Variants in FOXN3 observed in about 807,000 individuals in gnomAD.
The protein encoded by FOXN3 is forkhead box protein N3.
A neutral mutation model predicts 38.4 loss-of-function variants in FOXN3; 7 were observed. The observed-to-expected ratio is 0.18, with a 90% CI of 0.10 to 0.34. The LOEUF is 0.34. Ranked by LOEUF, FOXN3 falls within the 10% of genes least tolerant of loss-of-function variation. The pLI is 1.00. For synonymous variants in FOXN3, 230 were observed against 242.2 expected (o/e 0.95, Z 0.47); for missense variants, 456 against 613.4 (o/e 0.74, Z 2.71).
At chr14:89,390,780 G>A (rs914802330) in intron 2 of FOXN3, among the ~76,000 whole-genome samples, 1 of 152,174 alleles carries the variant, frequency 6.6e-6, no homozygotes, top group African/African-American at 2.4e-5. Context: ...AGGTGCCTCG[G>A]TTGAAGTTCT....
intron 2 of FOXN3, among the ~76,000 whole-genome samples, chr14:89,369,671 A>C (rs1890259232): frequency 6.6e-6 from 1 of 152,148 alleles, no homozygotes; most frequent in Admixed American, 6.5e-5. Flanking sequence ...AGAATGAGAG[A>C]GCTTGTGTAG....
intron 4 of FOXN3, among the ~76,000 whole-genome samples, chr14:89,215,302 C>T (rs962470390): frequency 6.6e-6 from 1 of 150,890 alleles, no homozygotes; most frequent in Non-Finnish European, 1.5e-5. Context: ...CCTCCTTCCT[C>T]AAATATCTTT....
intron 1 of FOXN3, among the ~76,000 whole-genome samples, chr14:89,413,093 A>G (rs1413998916): frequency 6.6e-6 from 1 of 152,086 alleles, no homozygotes; most frequent in Non-Finnish European, 1.5e-5. Context: ...GACCTAGAAC[A>G]CGGAGTAAAA....
chr14:89,316,669 A>AT (rs546352695), intron 3 of FOXN3, among the ~76,000 whole-genome samples: 3,696 of 135,232 alleles, frequency 0.027, 156 homozygotes, highest in African/African-American at 0.087. Context: ...CCTATGATGA[A>AT]TTTTTTTTTT....
At chr14:89,374,630 T>C (rs1455597263) in intron 2 of FOXN3, among the ~76,000 whole-genome samples, 1 of 152,172 alleles carries the variant, frequency 6.6e-6, no homozygotes, top group African/African-American at 2.4e-5. Context: ...ACACAACATG[T>C]ATGATTCTCA....
intron 4 of FOXN3, among the ~76,000 whole-genome samples, chr14:89,263,359 GA>G (rs376789311): frequency 1.3e-4 from 19 of 141,480 alleles, no homozygotes; most frequent in African/African-American, 2.9e-4. Flanking sequence ...AATTTTTGAA[GA>G]AAAAAAAAAA....
intron 2 of FOXN3, among the ~76,000 whole-genome samples, chr14:89,360,756 ACCTCCACCACTACCACCT>A (rs1889487798): frequency 6.0e-5 from 6 of 100,418 alleles, no homozygotes; most frequent in East Asian, 3.5e-4. Context: ...CTCCACCACC[ACCTCCACCACTACCACCT>A]CCACCACCAC....
At chr14:89,540,253 A>G (rs943331364) in intron 1 of FOXN3, among the ~76,000 whole-genome samples, 1 of 152,222 alleles carries the variant, frequency 6.6e-6, no homozygotes, top group Non-Finnish European at 1.5e-5. Context: ...ACTGTGGGGT[A>G]TGTGGTTAGA....
intron 1 of FOXN3, among the ~76,000 whole-genome samples, chr14:89,574,189 A>C (rs1363544594): frequency 6.6e-6 from 1 of 151,956 alleles, no homozygotes; most frequent in Non-Finnish European, 1.5e-5. Context: ...TCAATAATTC[A>C]CTCCACTCCA....
At chr14:89,232,052 C>T (rs185360446) in intron 4 of FOXN3, among the ~76,000 whole-genome samples, 1 of 152,322 alleles carries the variant, frequency 6.6e-6, no homozygotes, top group African/African-American at 2.4e-5. Context: ...CAGGGTGTCA[C>T]GTTTCCTAAC....
chr14:89,280,869 A>G, intron 4 of FOXN3, 81 bp downstream of exon 4: 6 of 1,260,494 alleles, frequency 4.8e-6, no homozygotes, highest in Admixed American at 1.8e-5. Flanking sequence ...GAACTGTCCT[A>G]TTTGACACCA....
intron 1 of FOXN3, among the ~76,000 whole-genome samples, chr14:89,436,490 C>G (rs1320750874): frequency 6.6e-6 from 1 of 152,070 alleles, no homozygotes; most frequent in Admixed American, 6.5e-5. Context: ...TCTCCCTTTC[C>G]CAGAGTCCCC....
intron 1 of FOXN3, among the ~76,000 whole-genome samples, chr14:89,513,823 C>T (rs1252526312): frequency 6.6e-6 from 1 of 151,904 alleles, no homozygotes; most frequent in Non-Finnish European, 1.5e-5. Context: ...CCTCAAACTC[C>T]CGGAGTTTGT....
At chr14:89,357,301 CTCTT>C (rs1431719103) in intron 2 of FOXN3, among the ~76,000 whole-genome samples, 1 of 152,034 alleles carries the variant, frequency 6.6e-6, no homozygotes, top group Non-Finnish European at 1.5e-5. Context: ...AAGACCCTGT[CTCTT>C]TCTTAAAAAA....
intron 4 of FOXN3, among the ~76,000 whole-genome samples, chr14:89,226,756 T>C (rs1267291807): frequency 1.3e-5 from 2 of 152,170 alleles, no homozygotes; most frequent in Admixed American, 6.5e-5. Flanking sequence ...GATGGGCCCC[T>C]AATCTAATAT....
intron 3 of FOXN3, among the ~76,000 whole-genome samples, chr14:89,297,203 C>T (rs12894404): frequency 6.6e-6 from 1 of 152,116 alleles, no homozygotes; most frequent in Non-Finnish European, 1.5e-5. Flanking sequence ...ACGGAGGCGG[C>T]GCAAAAGACA....
chr14:89,599,400 C>T (rs1024896972), intron 1 of FOXN3, among the ~76,000 whole-genome samples: 2 of 152,094 alleles, frequency 1.3e-5, no homozygotes, highest in African/African-American at 4.8e-5. Context: ...TTTTCAGTTC[C>T]AGAAGGTCCA....
chr14:89,256,580 T>A (rs1885628642), intron 4 of FOXN3, among the ~76,000 whole-genome samples: 1 of 152,224 alleles, frequency 6.6e-6, no homozygotes, highest in Admixed American at 6.5e-5. Flanking sequence ...GAGCCTCTGA[T>A]GCTTGGCCCA....
At chr14:89,220,372 T>G (rs1433230150) in intron 4 of FOXN3, among the ~76,000 whole-genome samples, 2 of 152,190 alleles carry the variant, frequency 1.3e-5, no homozygotes, top group Non-Finnish European at 2.9e-5. Flanking sequence ...TTAAATGAGC[T>G]GGTGTGTAGA....
Sources: allele counts gnomAD v4.1 joint callset (sites outside exome capture counted in the v4.1 genomes callset), GRCh38; gene constraint gnomAD v4.1.1; transcripts MANE v1.5; gene names NCBI Gene and HGNC (gene_info 2026-07-23, HGNC 2026-07-21).